EYA1: variants seen among roughly 807,000 people sequenced by gnomAD.
EYA1 encodes the protein protein phosphatase EYA1.
In EYA1, 16 loss-of-function variants were observed where a neutral mutation model predicts 82.0. That is an observed-to-expected ratio of 0.20 (90% CI 0.13 to 0.30). The LOEUF (loss-of-function observed/expected upper bound fraction) is 0.30, where lower values mean the gene tolerates loss of function less well. Ranked by LOEUF, EYA1 falls within the 10% of genes least tolerant of loss-of-function variation. The pLI is 1.00. For missense variants in EYA1, 633 were observed against 730.7 expected (o/e 0.87, Z 1.54); for synonymous variants, 261 against 264.4 (o/e 0.99, Z 0.12).
At chr8:71,299,926 C>T (rs148248577) in intron 7 of EYA1, among the ~76,000 whole-genome samples, 1 of 151,878 alleles carries the variant, frequency 6.6e-6, no homozygotes, top group Non-Finnish European at 1.5e-5. Context: ...TTTAAATTTC[C>T]AAGGATGTTA....
chr8:71,272,341 G>GGGCA (rs1387186859), intron 9 of EYA1, among the ~76,000 whole-genome samples: 8 of 152,150 alleles, frequency 5.3e-5, no homozygotes, highest in Non-Finnish European at 8.8e-5. Flanking sequence ...CAGCTCTCTG[G>GGGCA]GGCAGGGAAA....
At chr8:71,438,157 C>A (rs1252060962) in intron 2 of EYA1, among the ~76,000 whole-genome samples, 3 of 151,894 alleles carry the variant, frequency 2.0e-5, no homozygotes, top group Non-Finnish European at 4.4e-5. Flanking sequence ...TAATTCTCAC[C>A]CAAAAACAAT....
intron 3 of EYA1, among the ~76,000 whole-genome samples, chr8:71,339,950 G>C (rs1824930575): frequency 6.6e-6 from 1 of 151,696 alleles, no homozygotes; most frequent in African/African-American, 2.4e-5. Context: ...AATCATTTCT[G>C]TCCTGGCCAC....
In EYA1 at chr8:71,215,629, G is replaced by C; in HGVS notation, c.1460C>G (p.Ser487Trp). ...AGAGCCTCACCGGGAGTGAATGAGCGAGAGTGCTTTCAGGGCCAGTGTCAA... is the reference window on the plus strand; with the variant it reads ...AGAGCCTCACCGGGAGTGAATGAGCCAGAGTGCTTTCAGGGCCAGTGTCAA... ...SWLTLALKAL[S>W]LIHSRTNCVN... The change falls in exon 15 of 18, where the codon TCG becomes TGG. Residue 487 changes from serine to tryptophan, a missense_variant. Physicochemically the swap from Ser to Trp is radical, Grantham distance 177. Transcript: ENST00000340726. 6.2e-7 allele frequency: 1 copy of C among 1,614,036 alleles called. No homozygotes were observed. Among genetic ancestry groups the C allele is most frequent in the Non-Finnish European group, 8.5e-7 (1 of 1,179,916 alleles).
intron 2 of EYA1, among the ~76,000 whole-genome samples, chr8:71,405,342 A>T (rs1368294165): frequency 1.3e-5 from 2 of 152,122 alleles, no homozygotes; most frequent in Non-Finnish European, 2.9e-5. Context: ...CTCCTGTCCA[A>T]CCTTTTTTCG....
At chr8:71,520,964 C>T (rs1183775682) in intron 2 of EYA1, among the ~76,000 whole-genome samples, 1 of 151,940 alleles carries the variant, frequency 6.6e-6, no homozygotes, top group Non-Finnish European at 1.5e-5. Flanking sequence ...CCATGAATCT[C>T]AACAGGTAAT....
intron 2 of EYA1, among the ~76,000 whole-genome samples, chr8:71,412,707 C>A (rs1238230570): frequency 6.6e-6 from 1 of 152,180 alleles, no homozygotes; most frequent in East Asian, 1.9e-4. Context: ...AGAAAAAGAA[C>A]TGGTGCTTTC....
chr8:71,219,802 A>T (rs1809667764), intron 12 of EYA1, among the ~76,000 whole-genome samples: 1 of 152,336 alleles, frequency 6.6e-6, no homozygotes, highest in Middle Eastern at 3.4e-3. Flanking sequence ...GAAGTCTCCC[A>T]TCAGATATCC....
intron 17 of EYA1, among the ~76,000 whole-genome samples, chr8:71,205,724 G>A (rs1228849797): frequency 1.3e-5 from 2 of 152,136 alleles, no homozygotes; most frequent in African/African-American, 4.8e-5. Flanking sequence ...TAACGAAAGA[G>A]GCAACTGGCA....
chr8:71,394,966 G>A (rs28797294), intron 2 of EYA1, among the ~76,000 whole-genome samples: 29 of 151,830 alleles, frequency 1.9e-4, no homozygotes, highest in South Asian at 4.2e-4. Context: ...CTTTTATTTC[G>A]TTGAGCAGTG....
intron 2 of EYA1, among the ~76,000 whole-genome samples, chr8:71,523,246 TCGGCTCACTGCAAGCTC>T (rs1813562513): frequency 6.9e-6 from 1 of 144,000 alleles, no homozygotes; most frequent in Non-Finnish European, 1.5e-5. Context: ...TGGCGCGATC[TCGGCTCACTGCAAGCTC>T]CGCCTCCCAG....
chr8:71,510,791 T>G (rs984134686), intron 2 of EYA1, among the ~76,000 whole-genome samples: 3 of 152,200 alleles, frequency 2.0e-5, no homozygotes, highest in Non-Finnish European at 2.9e-5. Context: ...GAATTTCACA[T>G]GAAGGATGGA....
chr8:71,393,562 T>C lies in EYA1; in HGVS notation c.34-37051A>G, dbSNP rs191470474. Among the ~76,000 whole-genome samples, 72 of 152,326 alleles carry C rather than the reference T, an allele frequency of 4.7e-4. No homozygotes were observed. The East Asian group carries it at 0.013, about 29-fold the overall frequency. ...CATGTGGTGTTTGGTTTTCTGTCCT[T>C]GTGATAGTTTGCTCAGAATGATGGT... On this transcript the variant is annotated intron_variant, in intron 2 of 18. Transcript: ENST00000643681.
At chr8:71,480,141 A>T (rs1056009371) in intron 2 of EYA1, among the ~76,000 whole-genome samples, 1 of 152,222 alleles carries the variant, frequency 6.6e-6, no homozygotes, top group African/African-American at 2.4e-5. Flanking sequence ...AAGTTTATCC[A>T]TAACGTATTG....
intron 2 of EYA1, among the ~76,000 whole-genome samples, chr8:71,455,272 C>T (rs1807787313): frequency 6.6e-6 from 1 of 151,992 alleles, no homozygotes; most frequent in Non-Finnish European, 1.5e-5. Context: ...TAATAGCCTA[C>T]CAACCAAAAA....
At chr8:71,358,014 A>G (rs978901124) in intron 1 of EYA1, among the ~76,000 whole-genome samples, 2 of 151,326 alleles carry the variant, frequency 1.3e-5, no homozygotes, top group Non-Finnish European at 2.9e-5. Flanking sequence ...GGAATAAATT[A>G]TAGGTGAGAA....
intron 11 of EYA1, among the ~76,000 whole-genome samples, chr8:71,255,638 A>T (rs764709266): frequency 9.9e-5 from 15 of 152,174 alleles, no homozygotes; most frequent in Non-Finnish European, 1.6e-4. Flanking sequence ...AAAATATAAA[A>T]TGGTATAGGA....
At chr8:71,453,421 G>A (rs763156329) in intron 2 of EYA1, among the ~76,000 whole-genome samples, 4 of 151,992 alleles carry the variant, frequency 2.6e-5, no homozygotes, top group Non-Finnish European at 4.4e-5. Flanking sequence ...TACAGAGAAC[G>A]CCACAAAGAT....
intron 2 of EYA1, among the ~76,000 whole-genome samples, chr8:71,513,411 G>C (rs189681453): frequency 3.9e-5 from 6 of 152,166 alleles, no homozygotes; most frequent in Admixed American, 3.9e-4. Context: ...AAAATTGGTA[G>C]TTTAAAAAAT....
Sources: allele counts gnomAD v4.1 joint callset (sites outside exome capture counted in the v4.1 genomes callset), GRCh38; gene constraint gnomAD v4.1.1; transcripts MANE v1.5; gene names NCBI Gene and HGNC (gene_info 2026-07-23, HGNC 2026-07-21).